Variants in DCBLD2 observed in about 807,000 individuals in gnomAD.
DCBLD2 encodes discoidin, CUB and LCCL domain-containing protein 2.
In DCBLD2, 54 loss-of-function variants were observed where a neutral mutation model predicts 86.8. The ratio of observed to expected loss-of-function variants is 0.62; its 90% CI spans 0.50 to 0.78. The LOEUF (loss-of-function observed/expected upper bound fraction) is 0.78, where lower values mean the gene tolerates loss of function less well. Among genes scored for constraint, DCBLD2 ranks in the 30% least tolerant of loss-of-function variants. The pLI is 0.00. For synonymous variants in DCBLD2, 354 were observed against 341.3 expected (o/e 1.04, Z -0.41); for missense variants, 908 against 954.2 (o/e 0.95, Z 0.64).
intron 13 of DCBLD2, among the ~76,000 whole-genome samples, chr3:98,803,072 C>T (rs1941759737): frequency 6.6e-6 from 1 of 152,056 alleles, no homozygotes; most frequent in Admixed American, 6.6e-5. Flanking sequence ...GTAGTTTTTT[C>T]CAATTTTGTG....
intron 2 of DCBLD2, among the ~76,000 whole-genome samples, chr3:98,870,775 AAGAAAGAAAG>A (rs1434820452): frequency 6.7e-6 from 1 of 150,110 alleles, no homozygotes; most frequent in East Asian, 2.0e-4. Context: ...GAAAGAAAGA[AAGAAAGAAAG>A]AAAGAAAGAA....
chr3:98,879,233 C>T (rs1168215103), intron 2 of DCBLD2, among the ~76,000 whole-genome samples: 1 of 152,188 alleles, frequency 6.6e-6, no homozygotes, highest in Non-Finnish European at 1.5e-5. Context: ...TATCCTTCTC[C>T]CTATTTCTGA....
intron 5 of DCBLD2, 34 bp downstream of exon 5, chr3:98,822,635 T>C: frequency 6.5e-7 from 1 of 1,527,480 alleles, no homozygotes; most frequent in Non-Finnish European, 8.8e-7. Flanking sequence ...TAGAGTTATA[T>C]CACAATTTTC....
At chr3:98,879,857 T>C (rs903807800) in intron 2 of DCBLD2, among the ~76,000 whole-genome samples, 1 of 152,164 alleles carries the variant, frequency 6.6e-6, no homozygotes, top group Admixed American at 6.5e-5. Context: ...CTCAGTAGAA[T>C]GTATTTCTCT....
At chr3:98,845,230 A>G (rs1942699080) in intron 3 of DCBLD2, among the ~76,000 whole-genome samples, 1 of 152,092 alleles carries the variant, frequency 6.6e-6, no homozygotes, top group Non-Finnish European at 1.5e-5. Context: ...CAGAGGGGGG[A>G]AAAAGCTTTA....
chr3:98,850,717 A>T (rs1017269648), intron 2 of DCBLD2, among the ~76,000 whole-genome samples: 1 of 152,180 alleles, frequency 6.6e-6, no homozygotes, highest in African/African-American at 2.4e-5. Context: ...ACTTTATCTT[A>T]TGAGTAGTGA....
intron 2 of DCBLD2, among the ~76,000 whole-genome samples, chr3:98,854,179 C>T (rs1942890727): frequency 6.6e-6 from 1 of 152,118 alleles, no homozygotes; most frequent in African/African-American, 2.4e-5. Context: ...ATCAAATGTA[C>T]AGTTGAATCC....
intron 14 of DCBLD2, 59 bp downstream of exon 14, chr3:98,801,530 TCACTACTGCCC>T: frequency 7.8e-7 from 1 of 1,276,828 alleles, no homozygotes; most frequent in Non-Finnish European, 1.1e-6. Context: ...GACTCTTTTT[TCACTACTGCCC>T]CCTGTAGGGG....
At chr3:98,838,071 C>CAG (rs1942512863) in intron 3 of DCBLD2, among the ~76,000 whole-genome samples, 1 of 129,980 alleles carries the variant, frequency 7.7e-6, no homozygotes. Flanking sequence ...CCCTCCCGGA[C>CAG]GGCACGGCTG....
Position 98,901,332 on chromosome 3 carries a change from C to T in DCBLD2, c.-6G>A, listed in dbSNP as rs1943848213. On this transcript the variant is annotated 5_prime_UTR_variant, in exon 1 of 16. Transcript: ENST00000326840. ...ACCACCGCCCGGCTCGCCATCGCGG[C>T]GGCCGGCAGTCTGCCTGCATAGTGC... The T allele has an allele frequency of 6.4e-6, 9 of 1,400,288 alleles. No individual in the cohort carries two copies. The highest frequency in any genetic ancestry group is 7.3e-6 in the Non-Finnish European group (8 of 1,089,332). 86.7% of individuals were successfully genotyped at this position (1,400,288 alleles called of 1,614,324 possible).
At chr3:98,800,878 A>C in intron 14 of DCBLD2, 162 bp from the exon 15 acceptor site, 3 of 807,106 alleles carry the variant, frequency 3.7e-6, no homozygotes, top group Non-Finnish European at 5.7e-6. Flanking sequence ...TTGCTGTGAT[A>C]GACTATCCAG....
intron 3 of DCBLD2, among the ~76,000 whole-genome samples, chr3:98,848,321 C>T (rs1411147022): frequency 6.6e-6 from 1 of 152,206 alleles, no homozygotes. Flanking sequence ...TTCATGGCTG[C>T]ATAGTATTCC....
chr3:98,901,356 G>A lies in DCBLD2; in HGVS notation c.-30C>T, dbSNP rs1205361525. 1.5e-6 allele frequency: 2 copies of A among 1,309,142 alleles called. No homozygotes were observed. Among genetic ancestry groups the A allele is most frequent in the Non-Finnish European group, 9.6e-7 (1 of 1,037,030 alleles). The allele number at this position is 1,309,142 out of a possible 1,614,324, so 81.1% of individuals were successfully genotyped here. A position where few individuals can be genotyped will look rare whatever the true frequency, so the allele number is the denominator to read the frequency against. Reference sequence around the variant, plus strand: ...GCGGCCGGCAGTCTGCCTGCATAGTGCGGGTGCCTCGGCAGCCCCGCGCGC... The same window carrying A: ...GCGGCCGGCAGTCTGCCTGCATAGTACGGGTGCCTCGGCAGCCCCGCGCGC... On this transcript the variant is annotated 5_prime_UTR_variant, in exon 1 of 16. Coordinates refer to ENST00000326840, the MANE Select transcript of DCBLD2 (RefSeq NM_080927.4).
At chr3:98,887,570 G>T (rs1943584530) in intron 1 of DCBLD2, among the ~76,000 whole-genome samples, 1 of 151,896 alleles carries the variant, frequency 6.6e-6, no homozygotes, top group Non-Finnish European at 1.5e-5. Context: ...TTAATACAGT[G>T]ACTCCAGTCT....
chr3:98,825,203 T>C, intron 4 of DCBLD2, 112 bp downstream of exon 4: 2 of 726,482 alleles, frequency 2.8e-6, no homozygotes, highest in Non-Finnish European at 4.1e-6. Flanking sequence ...AACAATGATA[T>C]GTATCACACA....
chr3:98,811,329 A>T lies in DCBLD2; in HGVS notation c.1451-10T>A, dbSNP rs1205015016. The T allele has an allele frequency of 6.2e-7, 1 of 1,609,772 alleles. No homozygotes were observed. Among genetic ancestry groups the T allele is most frequent in the African/African-American group, 1.3e-5 (1 of 74,544 alleles). On this transcript the variant is annotated splice_polypyrimidine_tract_variant and intron_variant, in intron 11 of 15. Transcript: ENST00000326840. The stretch of plus-strand genomic sequence containing the variant: ...AATTTTGGGGCACGACCTTTAAAAA[A>T]GTTTCAAAAGCTCTTTACTTTTTAA...
At chr3:98,896,053 G>C (rs1943745163) in intron 1 of DCBLD2, among the ~76,000 whole-genome samples, 1 of 152,196 alleles carries the variant, frequency 6.6e-6, no homozygotes, top group South Asian at 2.1e-4. Flanking sequence ...TCCTTAAAAA[G>C]CAGTTGAGGG....
intron 13 of DCBLD2, among the ~76,000 whole-genome samples, chr3:98,805,965 A>G (rs1941830988): frequency 6.6e-6 from 1 of 152,206 alleles, no homozygotes; most frequent in African/African-American, 2.4e-5. Context: ...GTACTAGGCA[A>G]TAACTAGGCA....
chr3:98,870,656 A>AAGAG (rs71124007), intron 2 of DCBLD2, among the ~76,000 whole-genome samples: 46 of 134,238 alleles, frequency 3.4e-4, no homozygotes, highest in Middle Eastern at 3.6e-3. Flanking sequence ...GAGATAGAGA[A>AAGAG]AGAGAGAGAG....
Sources: gnomAD v4.1 joint callset for allele counts (sites outside exome capture counted in the v4.1 genomes callset) on GRCh38, gnomAD v4.1.1 for gene constraint, MANE v1.5 for transcripts, NCBI Gene and HGNC (gene_info 2026-07-23, HGNC 2026-07-21) for gene names.